EN2: variants seen among roughly 807,000 people sequenced by gnomAD.
The protein encoded by EN2 is engrailed homeobox 2.
EN2 carries 7 observed loss-of-function variants against 25.0 expected under a neutral mutation model. That is an observed-to-expected ratio of 0.28 (90% CI 0.16 to 0.53). EN2 has a LOEUF of 0.53. EN2 is among the 20% of genes least tolerant of loss of function. The probability of loss-of-function intolerance (pLI) is 0.96; values close to 1 mark genes in which losing one functional copy is unlikely to be tolerated. For synonymous variants in EN2, 277 were observed against 243.3 expected, an observed-to-expected ratio of 1.14 and a Z score of -1.29; for missense variants, 524 against 501.8, an observed-to-expected ratio of 1.04 and a Z score of -0.42.
At position 155,462,228 on chromosome 7, in the gene EN2, C is replaced by T. The variant is rs1795704528; in HGVS notation, c.686-143C>T. The T allele has an allele frequency of 5.5e-6, 5 of 909,192 alleles. No individual in the cohort carries two copies. The African/African-American group carries it at 8.3e-5, about 15-fold the overall frequency. 56.3% of individuals were successfully genotyped at this position (909,192 alleles called of 1,614,324 possible). ...GTTGAGCCCATGCCCAGTCCGAAGT[C>T]TAGCCCCACATCTGGCGGTTCAGCC... On this transcript the variant is annotated intron_variant, in intron 1 of 1. Transcript: ENST00000297375.
chr7:155,460,809 C>G (rs939748221), intron 1 of EN2, among the ~76,000 whole-genome samples: 2 of 152,216 alleles, frequency 1.3e-5, no homozygotes, highest in African/African-American at 2.4e-5. Context: ...TGGGCGTGAG[C>G]AAGACAGGCA....
chr7:155,463,550 A>G lies in EN2; in HGVS notation c.*863A>G, dbSNP rs562841947. ...ACCAAGGGCCCAACCGTGTGCATAC[A>G]TCGTCTGCGTCTGTGGTCTGTGTCG... On this transcript the variant is annotated 3_prime_UTR_variant, in exon 2 of 2. Coordinates refer to ENST00000297375, the MANE Select transcript of EN2 (RefSeq NM_001427.4). 376 of 151,934 alleles carry G rather than the reference A, an allele frequency of 2.5e-3. 8 individuals are homozygous for G. Among genetic ancestry groups the G allele is most frequent in the Non-Finnish European group, 1.1e-3 (76 of 68,154 alleles). The allele number at this position is 151,934 out of a possible 1,614,324, so 9.4% of individuals were successfully genotyped here.
At chr7:155,460,260 C>T (rs943836074) in intron 1 of EN2, among the ~76,000 whole-genome samples, 6 of 152,308 alleles carry the variant, frequency 3.9e-5, no homozygotes, top group Admixed American at 3.9e-4. Flanking sequence ...GGGCTTTGTG[C>T]GGCGCGGGAG....
Position 155,462,697 on chromosome 7 carries a change from C to T in EN2, c.*10C>T. On this transcript the variant is annotated 3_prime_UTR_variant, in exon 2 of 2. Transcript: ENST00000297375. ...GTCGGACAGCGAGTAGGGCGGGGGGCATGGAGGCCAGGTCTCAGTCCGCGC... is the reference window on the plus strand; with the variant it reads ...GTCGGACAGCGAGTAGGGCGGGGGGTATGGAGGCCAGGTCTCAGTCCGCGC... The T allele has an allele frequency of 6.4e-7, 1 of 1,559,776 alleles. No homozygotes were observed. The highest frequency in any genetic ancestry group is 8.7e-7 in the Non-Finnish European group (1 of 1,150,300).
chr7:155,461,151 G>A (rs190624074), intron 1 of EN2, among the ~76,000 whole-genome samples: 42 of 152,280 alleles, frequency 2.8e-4, no homozygotes, highest in African/African-American at 7.2e-4. Flanking sequence ...CAGTGTGCCC[G>A]GCAGCTCTCC....
Position 155,458,857 on chromosome 7 carries a change from G to A in EN2, c.480G>A (p.Thr160=). Residue 160 remains threonine (T), a synonymous_variant, in exon 1 of 2, where the codon ACG becomes ACA. Transcript: ENST00000297375. ...SPGDGEGGSK[T]LSLHGGAKKG... ...GTGACGGGGAAGGCGGCTCCAAGAC[G>A]CTCTCGCTGCACGGTGGCGCCAAGA... The A allele has an allele frequency of 1.3e-6, 2 of 1,487,812 alleles. No individual in the cohort carries two copies. Among genetic ancestry groups the A allele is most frequent in the South Asian group, 1.3e-5 (1 of 79,184 alleles). 92.2% of individuals were successfully genotyped at this position (1,487,812 alleles called of 1,614,324 possible).
intron 1 of EN2, 126 bp downstream of exon 1, chr7:155,459,188 GACTC>G (rs1256557481): frequency 9.4e-7 from 1 of 1,068,908 alleles, no homozygotes; most frequent in Non-Finnish European, 1.3e-6. Context: ...CACGCACAAA[GACTC>G]ACGCGACATT....
intron 1 of EN2, 88 bp from the exon 2 acceptor site, chr7:155,462,283 C>G: frequency 6.8e-7 from 1 of 1,479,478 alleles, no homozygotes; most frequent in Non-Finnish European, 9.0e-7. Flanking sequence ...TCACTTCCCT[C>G]TTGGGGCCCC....
At chr7:155,461,203 G>A (rs1795691349) in intron 1 of EN2, among the ~76,000 whole-genome samples, 1 of 152,172 alleles carries the variant, frequency 6.6e-6, no homozygotes, top group African/African-American at 2.4e-5. Flanking sequence ...TCCAGCCACA[G>A]GGACCTGTGA....
intron 1 of EN2, among the ~76,000 whole-genome samples, chr7:155,462,142 C>T (rs1223417319): frequency 6.6e-6 from 1 of 152,192 alleles, no homozygotes; most frequent in East Asian, 1.9e-4. Context: ...CCCACTAGGC[C>T]TGCCCCATAG....
chr7:155,462,244 C>A (rs1310210400), intron 1 of EN2, 127 bp from the exon 2 acceptor site: 3 of 1,041,158 alleles, frequency 2.9e-6, no homozygotes, highest in African/African-American at 3.2e-5. Flanking sequence ...CCACATCTGG[C>A]GGTTCAGCCT....
rs543574732 is a variant in EN2 at position 155,462,616 on chromosome 7, G to A, written c.931G>A (p.Val311Met). The change falls in exon 2 of 2, where the codon GTG becomes ATG. Residue 311 changes from valine to methionine, a missense_variant. Coordinates refer to ENST00000297375, the MANE Select transcript of EN2 (RefSeq NM_001427.4). ...KATGNKNTLA[V>M]HLMAQGLYNH... ...CACGGGCAACAAGAACACGCTGGCCGTGCACCTCATGGCACAGGGCTTGTA... is the reference window on the plus strand; with the variant it reads ...CACGGGCAACAAGAACACGCTGGCCATGCACCTCATGGCACAGGGCTTGTA... 6.4e-5 allele frequency: 103 copies of A among 1,613,640 alleles called. No individual in the cohort carries two copies. The highest frequency in any genetic ancestry group is 3.6e-4 in the African/African-American group (27 of 75,028).
chr7:155,460,817 G>T (rs73734526), intron 1 of EN2, among the ~76,000 whole-genome samples: 1,607 of 152,324 alleles, frequency 0.011, 29 homozygotes, highest in African/African-American at 0.036. Flanking sequence ...AGCAAGACAG[G>T]CACTGAGTGT....
At chr7:155,459,719 C>A (rs1795673427) in intron 1 of EN2, among the ~76,000 whole-genome samples, 1 of 152,250 alleles carries the variant, frequency 6.6e-6, no homozygotes, top group Non-Finnish European at 1.5e-5. Context: ...CGCCAGCCCG[C>A]AGTGGTGGGG....
At position 155,464,334 on chromosome 7, in the gene EN2, GC is replaced by G. The variant is rs1795734526; in HGVS notation, c.*1648del. 6.6e-6 allele frequency: 1 copy of G among 152,434 alleles called. No homozygotes were observed. Among genetic ancestry groups the G allele is most frequent in the Non-Finnish European group, 1.5e-5 (1 of 68,046 alleles). 9.4% of individuals were successfully genotyped at this position (152,434 alleles called of 1,614,324 possible). ...AGACCAATCCAACTGTCCATCTGTG[GC>G]TGGGACAGCCCAGGGGGTGTGCCCA... On this transcript the variant is annotated 3_prime_UTR_variant, in exon 2 of 2. Coordinates refer to ENST00000297375, the MANE Select transcript of EN2 (RefSeq NM_001427.4).
rs1795737505 is a variant in EN2, at chr7:155,464,527, CAA to C, written c.*1843_*1844del. On this transcript the variant is annotated 3_prime_UTR_variant, in exon 2 of 2. Coordinates refer to ENST00000297375, the MANE Select transcript of EN2 (RefSeq NM_001427.4). ...CTTTTTAAAAAGGAAAGTATAAAAACAAAAGTTGTAATTTAAAAGTCTGAATA... is the reference window on the plus strand; with the variant it reads ...CTTTTTAAAAAGGAAAGTATAAAAACAAGTTGTAATTTAAAAGTCTGAATA... 1.3e-5 allele frequency: 2 copies of C among 152,630 alleles called. No individual in the cohort carries two copies. Among genetic ancestry groups the C allele is most frequent in the African/African-American group, 4.8e-5 (2 of 41,466 alleles). 9.5% of individuals were successfully genotyped at this position (152,630 alleles called of 1,614,324 possible).
At chr7:155,459,151 G>C in intron 1 of EN2, 89 bp downstream of exon 1, 1 of 1,359,162 alleles carries the variant, frequency 7.4e-7, no homozygotes, top group Admixed American at 2.7e-5. Flanking sequence ...TTACCGGGAG[G>C]AAAACATCTC....
At chr7:155,460,861 G>T (rs1043185757) in intron 1 of EN2, among the ~76,000 whole-genome samples, 2 of 152,212 alleles carry the variant, frequency 1.3e-5, no homozygotes, top group Admixed American at 1.3e-4. Flanking sequence ...CCAAGTATAG[G>T]GTGTGTGCTC....
Position 155,462,756 on chromosome 7 carries a change from C to T in EN2, c.*69C>T. The stretch of plus-strand genomic sequence containing the variant: ...GCAATAATTTAAAATCATAAAGGGC[C>T]AGTGTATAAAGATTATACCAGCATT... On this transcript the variant is annotated 3_prime_UTR_variant, in exon 2 of 2. Transcript: ENST00000297375. The T allele has an allele frequency of 1.4e-6, 2 of 1,455,742 alleles. No individual in the cohort carries two copies. Among genetic ancestry groups the T allele is most frequent in the Non-Finnish European group, 1.8e-6 (2 of 1,088,090 alleles). The allele number at this position is 1,455,742 out of a possible 1,614,324, so 90.2% of individuals were successfully genotyped here. A position where few individuals can be genotyped will look rare whatever the true frequency, so the allele number is the denominator to read the frequency against.
Sources: gnomAD v4.1 joint callset for allele counts (sites outside exome capture counted in the v4.1 genomes callset) on GRCh38, gnomAD v4.1.1 for gene constraint, MANE v1.5 for transcripts, NCBI Gene and HGNC (gene_info 2026-07-23, HGNC 2026-07-21) for gene names.